Variants in FRS2 observed in about 807,000 individuals in gnomAD.
FRS2 encodes the protein FGFR signalling adaptor.
FRS2 carries 8 observed loss-of-function variants against 43.9 expected under a neutral mutation model. That is an observed-to-expected ratio of 0.18 (90% CI 0.11 to 0.33). The LOEUF is 0.33. Ranked by LOEUF, FRS2 falls within the 10% of genes least tolerant of loss-of-function variation. The pLI is 1.00. For missense variants in FRS2, 534 were observed against 627.6 expected (o/e 0.85, Z 1.59); for synonymous variants, 219 against 220.3 (o/e 0.99, Z 0.05).
chr12:69,545,755 C>CAAAAAAAAAAAAAAAA (rs60460901), intron 3 of FRS2, among the ~76,000 whole-genome samples: 7 of 80,430 alleles, frequency 8.7e-5, no homozygotes, highest in African/African-American at 1.7e-4. Flanking sequence ...GACCCTGTCT[C>CAAAAAAAAAAAAAAAA]AAAAAAAAAA....
intron 3 of FRS2, among the ~76,000 whole-genome samples, chr12:69,556,019 GC>G (rs1282936223): frequency 6.9e-6 from 1 of 144,834 alleles, no homozygotes; most frequent in African/African-American, 2.6e-5. Context: ...GGGGGGGGGG[GC>G]GGTGTACACA....
At chr12:69,554,491 TA>T (rs1879173381) in intron 3 of FRS2, among the ~76,000 whole-genome samples, 1 of 152,192 alleles carries the variant, frequency 6.6e-6, no homozygotes, top group Admixed American at 6.6e-5. Flanking sequence ...TTTAGAATGT[TA>T]AGTTGCAAAG....
intron 1 of FRS2, among the ~76,000 whole-genome samples, chr12:69,489,970 T>A (rs1872318041): frequency 6.6e-6 from 1 of 151,984 alleles, no homozygotes. Context: ...CAACAAACCT[T>A]TGAGCTATAT....
At chr12:69,485,795 A>G (rs545600791) in intron 1 of FRS2, among the ~76,000 whole-genome samples, 5 of 152,330 alleles carry the variant, frequency 3.3e-5, no homozygotes, top group African/African-American at 9.6e-5. Context: ...AATACTTACT[A>G]AGATTCACAC....
chr12:69,514,274 T>A (rs1175705864), intron 1 of FRS2, among the ~76,000 whole-genome samples: 1 of 152,174 alleles, frequency 6.6e-6, no homozygotes, highest in Non-Finnish European at 1.5e-5. Flanking sequence ...CCCATGAGGA[T>A]GCCAGTACCA....
intron 3 of FRS2, among the ~76,000 whole-genome samples, chr12:69,536,101 C>CCTTTT (rs1877251782): frequency 1.2e-3 from 44 of 37,172 alleles, no homozygotes; most frequent in African/African-American, 4.0e-3. Context: ...TATTTTCATT[C>CCTTTT]TTTTTTTTTT....
At chr12:69,560,317 T>C (rs1593055736) in intron 3 of FRS2, among the ~76,000 whole-genome samples, 1 of 152,184 alleles carries the variant, frequency 6.6e-6, no homozygotes, top group Non-Finnish European at 1.5e-5. Flanking sequence ...TCATAGTAGC[T>C]CTGTGAAGTG....
intron 3 of FRS2, among the ~76,000 whole-genome samples, chr12:69,544,694 G>C (rs1367721510): frequency 6.6e-6 from 1 of 151,946 alleles, no homozygotes; most frequent in Non-Finnish European, 1.5e-5. Context: ...GTGACAGCAA[G>C]ACTCCATCTC....
intron 1 of FRS2, among the ~76,000 whole-genome samples, chr12:69,509,316 T>C (rs1327468838): frequency 2.0e-5 from 3 of 152,182 alleles, no homozygotes; most frequent in Non-Finnish European, 4.4e-5. Context: ...AGGCCACTTA[T>C]AAGAATTTTC....
intron 4 of FRS2, among the ~76,000 whole-genome samples, chr12:69,564,397 C>T (rs1277812040): frequency 6.6e-6 from 1 of 152,058 alleles, no homozygotes; most frequent in African/African-American, 2.4e-5. Flanking sequence ...TAATGTTTTA[C>T]CTTCTCCCTC....
intron 4 of FRS2, among the ~76,000 whole-genome samples, chr12:69,565,873 A>G (rs1157183841): frequency 1.3e-5 from 2 of 152,220 alleles, no homozygotes; most frequent in South Asian, 2.1e-4. Flanking sequence ...AGTAAGATAC[A>G]TAGTATAGTA....
intron 4 of FRS2, among the ~76,000 whole-genome samples, chr12:69,566,965 C>T (rs554556154): frequency 6.6e-6 from 1 of 152,326 alleles, no homozygotes; most frequent in South Asian, 2.1e-4. Context: ...TGTGACACTT[C>T]ATGACTTTTG....
intron 1 of FRS2, among the ~76,000 whole-genome samples, chr12:69,524,036 A>G (rs577111): frequency 0.093 from 14,212 of 152,268 alleles, 874 homozygotes; most frequent in Non-Finnish European, 0.14. Context: ...GCCAGCCTCC[A>G]TGCAGGCATT....
intron 1 of FRS2, among the ~76,000 whole-genome samples, chr12:69,504,391 G>A (rs1009109365): frequency 6.6e-6 from 1 of 152,062 alleles, no homozygotes; most frequent in Non-Finnish European, 1.5e-5. Context: ...GTTTTTAAGG[G>A]AATTTAAAGC....
intron 3 of FRS2, among the ~76,000 whole-genome samples, chr12:69,551,862 T>G (rs540308744): frequency 2.4e-4 from 37 of 152,340 alleles, no homozygotes; most frequent in African/African-American, 8.4e-4. Flanking sequence ...GATAGTTCTT[T>G]CATTGACTGT....
chr12:69,497,143 G>A (rs1872975249), intron 1 of FRS2, among the ~76,000 whole-genome samples: 1 of 152,182 alleles, frequency 6.6e-6, no homozygotes, highest in African/African-American at 2.4e-5. Context: ...GCAAAGCAAA[G>A]TTCCTGCACT....
intron 1 of FRS2, among the ~76,000 whole-genome samples, chr12:69,483,561 A>G (rs566208175): frequency 3.6e-4 from 55 of 152,172 alleles, no homozygotes; most frequent in Admixed American, 3.0e-3. Context: ...AGCCTTTTTC[A>G]TATACATCTT....
intron 4 of FRS2, among the ~76,000 whole-genome samples, chr12:69,564,031 G>A (rs568066855): frequency 8.5e-5 from 13 of 152,088 alleles, no homozygotes; most frequent in African/African-American, 2.4e-4. Context: ...CTTAAAATAC[G>A]TAACTCAAGT....
chr12:69,568,555 GTCTCTC>G (rs752238344), intron 4 of FRS2, among the ~76,000 whole-genome samples: 2 of 148,610 alleles, frequency 1.3e-5, no homozygotes, highest in Non-Finnish European at 3.0e-5. Flanking sequence ...GTCTCTGGCT[GTCTCTC>G]TCTCTCTCTC....
Sources: allele counts gnomAD v4.1 joint callset (sites outside exome capture counted in the v4.1 genomes callset), GRCh38; gene constraint gnomAD v4.1.1; transcripts MANE v1.5; gene names NCBI Gene and HGNC (gene_info 2026-07-23, HGNC 2026-07-21).